MACF1: variants seen among roughly 807,000 people sequenced by gnomAD.
The protein encoded by MACF1 is microtubule actin crosslinking factor 1.
In MACF1, 193 loss-of-function variants were observed where a neutral mutation model predicts 854.8. The ratio of observed to expected loss-of-function variants is 0.23; its 90% CI spans 0.20 to 0.25. MACF1 has a LOEUF of 0.25. Among genes scored for constraint, MACF1 ranks in the 10% least tolerant of loss-of-function variants. The probability of loss-of-function intolerance (pLI) is 1.00; values close to 1 mark genes in which losing one functional copy is unlikely to be tolerated. For synonymous variants in MACF1, 3,185 were observed against 3,226.7 expected (o/e 0.99, Z 0.44); for missense variants, 7,722 against 8,929.1 (o/e 0.86, Z 5.45).
chr1:39,455,086 G>C lies in MACF1; in HGVS notation c.21064G>C (p.Ala7022Pro), dbSNP rs142006710. ...CATTGACCGAGTTAAAGCCCTTATC[G>C]CTGAGCATCAGGTATCTTAACCTCA... ...QNIDRVKALI[A>P]EHQTFMEEMT... Residue 7022 changes from alanine to proline, a missense_variant, in exon 89 of 101, where the codon GCT becomes CCT. Around this residue, in one of 15 missense-constraint regions of MACF1, gnomAD observed 729 missense variants for 900.5 expected, o/e 0.81. Transcript: ENST00000564288. 5.0e-6 allele frequency: 8 copies of C among 1,613,698 alleles called. No homozygotes were observed. The African/African-American group carries it at 9.3e-5, about 19-fold the overall frequency.
At chr1:39,365,958 G>A (rs1403449036) in intron 49 of MACF1, among the ~76,000 whole-genome samples, 3 of 152,282 alleles carry the variant, frequency 2.0e-5, no homozygotes, top group Middle Eastern at 3.4e-3. Flanking sequence ...TTACAGGCAT[G>A]AGCCACCTCA....
chr1:39,317,495 T>A, intron 29 of MACF1, 88 bp downstream of exon 29: 1 of 1,395,020 alleles, frequency 7.2e-7, no homozygotes, highest in African/African-American at 1.4e-5. Context: ...CATTTATATT[T>A]AAAGGTGGAA....
chr1:39,404,118 C>T (rs751200547), intron 58 of MACF1, among the ~76,000 whole-genome samples: 16 of 150,106 alleles, frequency 1.1e-4, no homozygotes, highest in Non-Finnish European at 1.6e-4. Context: ...CAGAGTGAGA[C>T]TCTGCCTCAA....
intron 2 of MACF1, among the ~76,000 whole-genome samples, chr1:39,093,161 T>TC (rs955030007): frequency 9.2e-5 from 14 of 151,948 alleles, no homozygotes; most frequent in African/African-American, 3.4e-4. Context: ...TGGGGACTTC[T>TC]CCCCGCCAGC....
At chr1:39,134,863 T>C (rs1353979816) in intron 2 of MACF1, among the ~76,000 whole-genome samples, 1 of 152,220 alleles carries the variant, frequency 6.6e-6, no homozygotes, top group Non-Finnish European at 1.5e-5. Context: ...TTGATTGTTG[T>C]GCAGCCGTCA....
chr1:39,120,554 G>A (rs775378129), intron 2 of MACF1, among the ~76,000 whole-genome samples: 1 of 152,048 alleles, frequency 6.6e-6, no homozygotes, highest in Non-Finnish European at 1.5e-5. Context: ...AGTAGACACA[G>A]GGTTTCACCA....
chr1:39,372,431 A>G, intron 51 of MACF1, 48 bp from the exon 52 acceptor site: 1 of 1,060,460 alleles, frequency 9.4e-7, no homozygotes, highest in South Asian at 1.3e-5. Context: ...CCTACTTATG[A>G]GGAAAAAGCC....
rs1643650033 is a variant in MACF1, at chr1:39,424,188, C to T, written c.16310C>T (p.Ala5437Val). 6.2e-7 allele frequency: 1 copy of T among 1,612,634 alleles called. No homozygotes were observed. Among genetic ancestry groups the T allele is most frequent in the African/African-American group, 1.3e-5 (1 of 74,766 alleles). The change falls in exon 61 of 101, where the codon GCA becomes GTA. Residue 5437 changes from alanine (A) to valine (V), a missense_variant. By Grantham distance (64) the Ala-to-Val change is moderately conservative (BLOSUM62 0). This residue lies in a region of MACF1 where 2,807 missense variants were observed against 3,235.8 expected (regional missense o/e 0.87). Coordinates refer to ENST00000564288, the MANE Select transcript of MACF1 (RefSeq NM_001394062.1). ...TGGACTGAACTACTCAGTAAGGCAG[C>T]AGCCAGGTAAGATCAAAGGAATTTT... ...SRWTELLSKAAARQKQLEDIL... is the reference protein window; with the variant it reads ...SRWTELLSKAVARQKQLEDIL...
chr1:39,296,814 G>GA (rs760943953), intron 20 of MACF1, among the ~76,000 whole-genome samples: 28 of 69,970 alleles, frequency 4.0e-4, no homozygotes, highest in Non-Finnish European at 6.0e-4. Context: ...AAGAAAGAAA[G>GA]GAAGGAAGGA....
At chr1:39,456,885 A>G (rs1644451132) in intron 89 of MACF1, 1 of 152,276 alleles carries the variant, frequency 6.6e-6, no homozygotes, top group Non-Finnish European at 1.5e-5. Flanking sequence ...TTTGTTTGAC[A>G]TGTAACCTAG....
At chr1:39,123,258 A>T (rs1028510152) in intron 2 of MACF1, among the ~76,000 whole-genome samples, 26 of 133,100 alleles carry the variant, frequency 2.0e-4, no homozygotes, top group Admixed American at 8.5e-5. Context: ...CCCAGGCTGG[A>T]GTGCAGTGGT....
At chr1:39,266,143 C>T (rs544418899) in intron 6 of MACF1, among the ~76,000 whole-genome samples, 1 of 152,274 alleles carries the variant, frequency 6.6e-6, no homozygotes, top group African/African-American at 2.4e-5. Flanking sequence ...GAAGTAAATT[C>T]TCAGAGAAAC....
chr1:39,449,401 T>G (rs902131885), intron 84 of MACF1, among the ~76,000 whole-genome samples: 64 of 152,258 alleles, frequency 4.2e-4, no homozygotes, highest in African/African-American at 1.4e-3. Flanking sequence ...TTGTACTTTT[T>G]TTTGTTTGTT....
chr1:39,379,155 A>G, intron 53 of MACF1, 48 bp from the exon 54 acceptor site: 2 of 1,521,198 alleles, frequency 1.3e-6, no homozygotes, highest in Non-Finnish European at 1.8e-6. Flanking sequence ...GTCAAGGAGC[A>G]TACTCGAAGA....
At chr1:39,178,148 C>T (rs1168008226) in intron 2 of MACF1, among the ~76,000 whole-genome samples, 5 of 148,018 alleles carry the variant, frequency 3.4e-5, no homozygotes, top group Admixed American at 6.7e-5. Context: ...AGCCAGTGTG[C>T]TACCTTACAT....
At chr1:39,413,084 T>C in intron 58 of MACF1, 1 of 1,603,206 alleles carries the variant, frequency 6.2e-7, no homozygotes, top group Non-Finnish European at 8.5e-7. Context: ...GCAGCAGCCA[T>C]CACACAGGAG....
chr1:39,180,636 G>C (rs559682218), intron 2 of MACF1, among the ~76,000 whole-genome samples: 1 of 152,228 alleles, frequency 6.6e-6, no homozygotes, highest in South Asian at 2.1e-4. Context: ...ACACAAAGAA[G>C]ATGTACTTTC....
rs761978392 is a variant in MACF1, at chr1:39,448,099, C to T, written c.20035C>T (p.Leu6679=). 3 of 1,613,900 alleles carry T rather than the reference C, an allele frequency of 1.9e-6. No individual in the cohort carries two copies. The highest frequency in any genetic ancestry group is 2.5e-6 in the Non-Finnish European group (3 of 1,179,936). Residue 6679 remains leucine (L), a synonymous_variant, in exon 83 of 101, where the codon CTA becomes TTA. Coordinates refer to ENST00000564288, the MANE Select transcript of MACF1 (RefSeq NM_001394062.1). ...EDAESHLDSE[L]EISNDPDKIK... ...TGCAGAGAGTCACCTGGACTCAGAA[C>T]TAGAGATATCCAATGACCCAGACAA...
chr1:39,372,662 C>T (rs1313738082), intron 52 of MACF1, 66 bp downstream of exon 52: 6 of 1,001,012 alleles, frequency 6.0e-6, no homozygotes, highest in African/African-American at 1.6e-5. Context: ...TTTGGAGATG[C>T]CTCCTTATAT....
Sources: gnomAD v4.1 joint callset for allele counts (sites outside exome capture counted in the v4.1 genomes callset) on GRCh38, gnomAD v4.1.1 for gene constraint, gnomAD v4.1.1 regional missense constraint, MANE v1.5 for transcripts, NCBI Gene and HGNC (gene_info 2026-07-23, HGNC 2026-07-21) for gene names.